ASXL2: variants seen among roughly 807,000 people sequenced by gnomAD.
ASXL2 encodes putative Polycomb group protein ASXL2.
A neutral mutation model predicts 122.0 loss-of-function variants in ASXL2; 23 were observed. That is an observed-to-expected ratio of 0.19 (90% CI 0.14 to 0.27). The LOEUF (loss-of-function observed/expected upper bound fraction) is 0.27. ASXL2 is among the 10% of genes least tolerant of loss of function. The probability of loss-of-function intolerance (pLI) is 1.00; values close to 1 mark genes in which losing one functional copy is unlikely to be tolerated. For missense variants in ASXL2, 1,518 were observed against 1,713.8 expected, an observed-to-expected ratio of 0.89 and a Z score of 2.02; for synonymous variants, 650 against 637.0, an observed-to-expected ratio of 1.02 and a Z score of -0.31.
At chr2:25,770,772 CTG>C (rs1270797382) in intron 6 of ASXL2, among the ~76,000 whole-genome samples, 4 of 152,108 alleles carry the variant, frequency 2.6e-5, no homozygotes, top group South Asian at 2.1e-4. Flanking sequence ...GTGTAATTCT[CTG>C]TGTTAGTAGA....
At chr2:25,826,223 G>A (rs1020319468) in intron 3 of ASXL2, among the ~76,000 whole-genome samples, 1 of 152,048 alleles carries the variant, frequency 6.6e-6, no homozygotes, top group Non-Finnish European at 1.5e-5. Context: ...TTTTGAAACT[G>A]ATTTTGCAAC....
chr2:25,840,423 A>T (rs1170790056), intron 2 of ASXL2, among the ~76,000 whole-genome samples: 2 of 152,236 alleles, frequency 1.3e-5, no homozygotes, highest in Admixed American at 6.5e-5. Flanking sequence ...AATCAGTGGC[A>T]TTAAGTACAT....
chr2:25,753,771 TC>T, intron 10 of ASXL2, 132 bp from the exon 11 acceptor site: 1 of 684,588 alleles, frequency 1.5e-6, no homozygotes, highest in East Asian at 2.6e-5. Context: ...TCCTCAAACC[TC>T]CTCACTGTAA....
intron 3 of ASXL2, among the ~76,000 whole-genome samples, chr2:25,816,285 A>G (rs917325903): frequency 6.6e-6 from 1 of 152,162 alleles, no homozygotes; most frequent in Non-Finnish European, 1.5e-5. Context: ...AGCGTCAAGG[A>G]TAAAGAAAGA....
rs933911485 is a variant in ASXL2 at position 25,743,667 on chromosome 2, T to C, written c.2670A>G (p.Leu890=). The change falls in exon 13 of 13, where the codon TTA becomes TTG. Residue 890 remains leucine, a synonymous_variant. Coordinates refer to ENST00000435504, the MANE Select transcript of ASXL2 (RefSeq NM_018263.6). ...GCTTTTCTAAAGTGGCTGTGGTCAATAAAGATGTTAAAGGGGAGGGAGTTA... is the reference window on the plus strand; with the variant it reads ...GCTTTTCTAAAGTGGCTGTGGTCAACAAAGATGTTAAAGGGGAGGGAGTTA... The part of the protein sequence containing the change: ...VAVTPSPLTS[L]LTTATLEKLP... 3 of 1,613,774 alleles carry C rather than the reference T, an allele frequency of 1.9e-6. No homozygotes were observed. Among genetic ancestry groups the C allele is most frequent in the Admixed American group, 1.7e-5 (1 of 59,988 alleles).
intron 3 of ASXL2, among the ~76,000 whole-genome samples, chr2:25,813,165 A>G (rs753252946): frequency 6.6e-6 from 1 of 152,188 alleles, no homozygotes; most frequent in Non-Finnish European, 1.5e-5. Flanking sequence ...GCAGTAAACT[A>G]GGATTAGTGG....
chr2:25,793,620 T>C (rs945944922), intron 5 of ASXL2, among the ~76,000 whole-genome samples: 8 of 152,234 alleles, frequency 5.3e-5, no homozygotes, highest in African/African-American at 1.9e-4. Context: ...AGTTGAAGAA[T>C]TGATTGTTGA....
Position 25,736,228 on chromosome 2 carries a change from T to C in ASXL2, c.*5801A>G, listed in dbSNP as rs1011501292. The C allele has an allele frequency of 5.3e-5, 8 of 152,208 alleles. No individual in the cohort carries two copies. Among genetic ancestry groups the C allele is most frequent in the African/African-American group, 1.9e-4 (8 of 41,464 alleles). 9.4% of individuals were successfully genotyped at this position (152,208 alleles called of 1,614,324 possible). On this transcript the variant is annotated 3_prime_UTR_variant, in exon 13 of 13. Transcript: ENST00000435504. ...ATAAAGGGTAGCTGGGGATCCAGGTTGAAGCTGCCTTGTCTTCTGGTATGT... is the reference window on the plus strand; with the variant it reads ...ATAAAGGGTAGCTGGGGATCCAGGTCGAAGCTGCCTTGTCTTCTGGTATGT...
intron 8 of ASXL2, 112 bp downstream of exon 8, chr2:25,767,471 T>A (rs1370822077): frequency 3.5e-6 from 4 of 1,139,124 alleles, no homozygotes; most frequent in Admixed American, 2.8e-5. Flanking sequence ...TAATCTTTGC[T>A]ATGTAACTCA....
At position 25,810,124 on chromosome 2, in the gene ASXL2, C is replaced by G. The variant is rs141227375; in HGVS notation, c.144-3787G>C. The stretch of plus-strand genomic sequence containing the variant: ...TCTTGATCTCTTCCACGTTTGTCTT[C>G]TTTTTGAGAGTACTTTTCTTCAGCA... On this transcript the variant is annotated intron_variant, in intron 3 of 12. Transcript: ENST00000435504. 8.3e-4 allele frequency: 459 copies of G among 555,256 alleles called. 6 individuals are homozygous for G. In the East Asian group the frequency reaches 0.018, roughly 22 times the overall value. 34.4% of individuals were successfully genotyped at this position (555,256 alleles called of 1,614,324 possible). A position where few individuals can be genotyped will look rare whatever the true frequency, so the allele number is the denominator to read the frequency against.
intron 5 of ASXL2, among the ~76,000 whole-genome samples, chr2:25,788,898 C>CA (rs767363570): frequency 6.6e-6 from 1 of 151,992 alleles, no homozygotes; most frequent in Non-Finnish European, 1.5e-5. Context: ...TTGATGAATG[C>CA]AACTTCTTAA....
chr2:25,831,302 CAAAAAAA>C (rs943377385), intron 3 of ASXL2, among the ~76,000 whole-genome samples: 2 of 62,516 alleles, frequency 3.2e-5, no homozygotes, highest in Non-Finnish European at 6.6e-5. Context: ...GACTCCGTCT[CAAAAAAA>C]AAAAAAAAAA....
At chr2:25,872,112 T>C (rs558239933) in intron 1 of ASXL2, among the ~76,000 whole-genome samples, 113 of 152,286 alleles carry the variant, frequency 7.4e-4, no homozygotes, top group African/African-American at 2.7e-3. Flanking sequence ...AATTAAAAAT[T>C]AGCAGGGCAC....
intron 6 of ASXL2, 96 bp downstream of exon 6, chr2:25,771,344 T>C (rs1365916526): frequency 4.3e-5 from 46 of 1,073,590 alleles, no homozygotes; most frequent in African/African-American, 1.6e-4. Flanking sequence ...AAGGGCCCAA[T>C]GTAAAAAATT....
chr2:25,829,795 A>C (rs1048719585), intron 3 of ASXL2, among the ~76,000 whole-genome samples: 4 of 152,220 alleles, frequency 2.6e-5, no homozygotes, highest in Admixed American at 6.5e-5. Context: ...AAATGGCACA[A>C]GCAAGTGGGA....
At chr2:25,778,523 C>T (rs1215506889) in intron 5 of ASXL2, among the ~76,000 whole-genome samples, 1 of 152,184 alleles carries the variant, frequency 6.6e-6, no homozygotes, top group African/African-American at 2.4e-5. Context: ...TGATAACCTG[C>T]AACTTCAGAA....
chr2:25,781,966 C>CTTTTTTTTTTT (rs35973982), intron 5 of ASXL2, among the ~76,000 whole-genome samples: 1 of 81,074 alleles, frequency 1.2e-5, no homozygotes, highest in Non-Finnish European at 2.4e-5. Context: ...GGGCTTTTTT[C>CTTTTTTTTTTT]TTTTTTTTTT....
At chr2:25,772,729 CAAAAAAAAAAAA>C (rs70950119) in intron 5 of ASXL2, among the ~76,000 whole-genome samples, 1 of 58,940 alleles carries the variant, frequency 1.7e-5, no homozygotes, top group Admixed American at 2.8e-4. Context: ...AACTTGGTCT[CAAAAAAAAAAAA>C]AAAAAAAAAA....
intron 1 of ASXL2, among the ~76,000 whole-genome samples, chr2:25,862,956 T>C (rs1483054309): frequency 2.6e-5 from 4 of 152,154 alleles, no homozygotes; most frequent in Admixed American, 2.6e-4. Context: ...AAAAAGCTCT[T>C]ATTTTGGTAG....
Sources: allele counts gnomAD v4.1 joint callset (sites outside exome capture counted in the v4.1 genomes callset), GRCh38; gene constraint gnomAD v4.1.1; transcripts MANE v1.5; gene names NCBI Gene and HGNC (gene_info 2026-07-23, HGNC 2026-07-21).